Variants in PIWIL4 observed in about 807,000 individuals in gnomAD.
PIWIL4 encodes the protein piwi-like protein 4.
In PIWIL4, 50 loss-of-function variants were observed where a neutral mutation model predicts 100.9. The observed-to-expected ratio is 0.50, with a 90% CI of 0.39 to 0.63. PIWIL4 has a LOEUF of 0.63. Among genes scored for constraint, PIWIL4 ranks in the 20% least tolerant of loss-of-function variants. The pLI is 0.00. For synonymous variants in PIWIL4, 342 were observed against 367.5 expected (o/e 0.93, Z 0.79); for missense variants, 887 against 1,043.3 (o/e 0.85, Z 2.06).
At chr11:94,593,763 G>T (rs1948518236) in intron 9 of PIWIL4, 122 bp downstream of exon 9, 1 of 1,089,500 alleles carries the variant, frequency 9.2e-7, no homozygotes, top group Non-Finnish European at 1.3e-6. Context: ...ATGGAGGATG[G>T]TCCTTTTAAG....
intron 15 of PIWIL4, among the ~76,000 whole-genome samples, chr11:94,612,811 A>G (rs1253066634): frequency 6.6e-6 from 1 of 152,050 alleles, no homozygotes; most frequent in East Asian, 1.9e-4. Flanking sequence ...AAAACTCCTC[A>G]CTTTTACTTT....
At chr11:94,598,798 C>T (rs944356366) in intron 11 of PIWIL4, among the ~76,000 whole-genome samples, 4 of 150,208 alleles carry the variant, frequency 2.7e-5, no homozygotes, top group African/African-American at 4.9e-5. Flanking sequence ...GCCTTAACCT[C>T]CTGGGCTCAA....
Position 94,567,566 on chromosome 11 carries a change from C to T in PIWIL4, c.48C>T (p.Pro16=), listed in dbSNP as rs777999137. Residue 16 remains proline (P), a synonymous_variant, in exon 1 of 20, where the codon CCC becomes CCT. Transcript: ENST00000299001. ...AGGCCAGAGGCATCGCCCGCAGCCCCAGTGCCACAGAAGTGGGGCGCATCC... is the reference window on the plus strand; with the variant it reads ...AGGCCAGAGGCATCGCCCGCAGCCCTAGTGCCACAGAAGTGGGGCGCATCC... ...RVKARGIARS[P]SATEVGRIQA... is the part of the protein sequence containing the mutation. 62 of 1,607,634 alleles carry T rather than the reference C, an allele frequency of 3.9e-5. No individual in the cohort carries two copies. The South Asian group carries it at 6.7e-4, about 17-fold the overall frequency.
chr11:94,575,061 A>G lies in PIWIL4; in HGVS notation c.229A>G (p.Lys77Glu). ...CTTCATGGAAAGAGGTGTGAAAAAC[A>G]AACAGGACTTTATGGATTTGAGTAT... ...STFMERGVKN[K>E]QDFMDLSICT... The change falls in exon 3 of 20, where the codon AAA (lysine) becomes GAA (glutamate). Residue 77 changes from lysine (K) to glutamate (E), a missense_variant. Physicochemically the swap from Lys to Glu is moderately conservative, Grantham distance 56. This residue lies in a region of PIWIL4 where 146 missense variants were observed against 113.4 expected (regional missense o/e 1.29). Coordinates refer to ENST00000299001, the MANE Select transcript of PIWIL4 (RefSeq NM_152431.3). The G allele has an allele frequency of 1.9e-6, 3 of 1,613,908 alleles. No individual in the cohort carries two copies. The highest frequency in any genetic ancestry group is 2.7e-5 in the African/African-American group (2 of 75,040).
At chr11:94,618,234 C>G in intron 17 of PIWIL4, 127 bp downstream of exon 17, 1 of 926,732 alleles carries the variant, frequency 1.1e-6, no homozygotes, top group Non-Finnish European at 1.5e-6. Flanking sequence ...GTTTCTGTAT[C>G]ATGCCAGTAG....
At chr11:94,603,962 C>G (rs368404141) in intron 12 of PIWIL4, 22 bp from the exon 13 acceptor site, 3 of 1,527,200 alleles carry the variant, frequency 2.0e-6, no homozygotes, top group African/African-American at 1.4e-5. Flanking sequence ...TACATAGCTT[C>G]AAAATTAATC....
chr11:94,598,516 T>C (rs544253307), intron 11 of PIWIL4, among the ~76,000 whole-genome samples: 138 of 152,132 alleles, frequency 9.1e-4, no homozygotes, highest in Non-Finnish European at 1.7e-3. Flanking sequence ...CCTATTAATA[T>C]TTTACGCAAA....
chr11:94,577,282 C>T lies in PIWIL4; in HGVS notation c.303C>T (p.Ser101=), dbSNP rs1483309782. 6.2e-7 allele frequency: 1 copy of T among 1,611,432 alleles called. No homozygotes were observed. The highest frequency in any genetic ancestry group is 2.2e-5 in the East Asian group (1 of 44,830). ...LAHVRNCKTG[S]SGIPVKLVTN... ...TTTTTTGTTTGTCTTCTTCAGGTTC[C>T]AGTGGAATACCTGTGAAACTGGTTA... The change falls in exon 4 of 20, where the codon TCC becomes TCT. Residue 101 remains serine, a synonymous_variant. Transcript: ENST00000299001.
chr11:94,601,330 A>G (rs1948637147), intron 11 of PIWIL4, among the ~76,000 whole-genome samples: 1 of 150,716 alleles, frequency 6.6e-6, no homozygotes, highest in Admixed American at 6.6e-5. Flanking sequence ...GACTTCTTGC[A>G]ACACTTAACT....
chr11:94,590,674 T>G (rs7126782), intron 8 of PIWIL4, among the ~76,000 whole-genome samples: 43,647 of 152,014 alleles, frequency 0.29, 6,409 homozygotes, highest in East Asian at 0.43. Flanking sequence ...AGGAATGATT[T>G]TGCTTTCTTC....
chr11:94,592,735 T>C (rs1948504025), intron 8 of PIWIL4, among the ~76,000 whole-genome samples: 1 of 152,236 alleles, frequency 6.6e-6, no homozygotes, highest in Admixed American at 6.5e-5. Flanking sequence ...AAATGAGTGT[T>C]CATTGTAACC....
At chr11:94,602,047 A>G (rs1948649723) in intron 12 of PIWIL4, 68 bp downstream of exon 12, 9 of 1,414,386 alleles carry the variant, frequency 6.4e-6, no homozygotes, top group Non-Finnish European at 6.7e-6. Context: ...ATAATGGCAG[A>G]TGTATCAACA....
At chr11:94,614,825 A>G (rs943312059) in intron 15 of PIWIL4, among the ~76,000 whole-genome samples, 1 of 152,120 alleles carries the variant, frequency 6.6e-6, no homozygotes, top group Non-Finnish European at 1.5e-5. Flanking sequence ...TTAAAATTGC[A>G]TGCACTTTCT....
chr11:94,577,729 C>T (rs1948257861), intron 4 of PIWIL4, among the ~76,000 whole-genome samples: 1 of 152,112 alleles, frequency 6.6e-6, no homozygotes, highest in African/African-American at 2.4e-5. Context: ...AACTAAGGGT[C>T]CTGGGAATTT....
intron 9 of PIWIL4, among the ~76,000 whole-genome samples, chr11:94,594,975 AAC>A (rs1441157220): frequency 1.3e-5 from 2 of 152,198 alleles, no homozygotes; most frequent in African/African-American, 4.8e-5. Flanking sequence ...TTAGGTGTAA[AAC>A]ACAGCCCAGA....
chr11:94,601,784 A>G lies in PIWIL4; in HGVS notation c.1381-11A>G. On this transcript the variant is annotated splice_polypyrimidine_tract_variant and intron_variant, in intron 11 of 19. Coordinates refer to ENST00000299001, the MANE Select transcript of PIWIL4 (RefSeq NM_152431.3). ...TTTGTTCAATCCTTTCATGATCATT[A>G]TTTTTCTCAGTGTCAACCTGTGTCT... is the stretch of plus-strand genomic sequence containing the variant. 8 of 1,611,718 alleles carry G rather than the reference A, an allele frequency of 5.0e-6. No individual in the cohort carries two copies. The highest frequency in any genetic ancestry group is 6.8e-6 in the Non-Finnish European group (8 of 1,178,950).
intron 4 of PIWIL4, among the ~76,000 whole-genome samples, chr11:94,580,495 T>C (rs1202311228): frequency 6.6e-6 from 1 of 152,188 alleles, no homozygotes; most frequent in Non-Finnish European, 1.5e-5. Flanking sequence ...CAGACTGGTG[T>C]TGCTATTCAT....
At chr11:94,585,182 G>A (rs1485069145) in intron 5 of PIWIL4, among the ~76,000 whole-genome samples, 1 of 152,144 alleles carries the variant, frequency 6.6e-6, no homozygotes, top group African/African-American at 2.4e-5. Context: ...ACCCATAATG[G>A]CTAATTGACC....
rs868160480 is a variant in PIWIL4, at chr11:94,616,652, G to A, written c.2014+89G>A. On this transcript the variant is annotated intron_variant, in intron 16 of 19. Coordinates refer to ENST00000299001, the MANE Select transcript of PIWIL4 (RefSeq NM_152431.3). ...TGCTTATAGAAGACCACATAGGTCA[G>A]AGCAAACTCTCTACACCTGTCTTTG... 4.5e-5 allele frequency: 47 copies of A among 1,034,910 alleles called. No individual in the cohort carries two copies. In the South Asian group the frequency reaches 6.0e-4, roughly 13 times the overall value. The allele number at this position is 1,034,910 out of a possible 1,614,324, so 64.1% of individuals were successfully genotyped here.
Sources: allele counts gnomAD v4.1 joint callset (sites outside exome capture counted in the v4.1 genomes callset), GRCh38; gene constraint gnomAD v4.1.1; regional missense constraint gnomAD v4.1.1; transcripts MANE v1.5; gene names NCBI Gene and HGNC (gene_info 2026-07-23, HGNC 2026-07-21).